OCIAD2: variants seen among roughly 807,000 people sequenced by gnomAD.
The protein encoded by OCIAD2 is OCIA domain containing 2, also known as OCIA domain-containing protein 2.
In OCIAD2, 29 loss-of-function variants were observed where a neutral mutation model predicts 22.9. The observed-to-expected ratio is 1.27, with a 90% confidence interval of 0.94 to 1.73. The LOEUF (loss-of-function observed/expected upper bound fraction) is 1.73, where lower values mean the gene tolerates loss of function less well. Among genes scored for constraint, OCIAD2 ranks in the 40% most tolerant of loss-of-function variants. OCIAD2 has a pLI of 0.00. For synonymous variants in OCIAD2, 67 were observed against 60.2 expected, an observed-to-expected ratio of 1.11 and a Z score of -0.52; for missense variants, 189 against 180.3, an observed-to-expected ratio of 1.05 and a Z score of -0.28.
At chr4:48,886,829 G>T (rs1781002697) in intron 6 of OCIAD2, among the ~76,000 whole-genome samples, 1 of 152,166 alleles carries the variant, frequency 6.6e-6, no homozygotes, top group Admixed American at 6.5e-5. Context: ...ATAGCAGCAG[G>T]CTTTATAATC....
At chr4:48,885,709 C>T in intron 6 of OCIAD2, 144 bp from the exon 7 acceptor site, 1 of 560,050 alleles carries the variant, frequency 1.8e-6, no homozygotes, top group Non-Finnish European at 3.2e-6. Context: ...CCAGGCTGGT[C>T]TCGAGGGCTC....
intron 2 of OCIAD2, 23 bp downstream of exon 2, chr4:48,904,461 G>C: frequency 6.2e-7 from 1 of 1,604,410 alleles, no homozygotes; most frequent in Non-Finnish European, 8.5e-7. Context: ...TCAATGAATC[G>C]ATCAATAAAT....
At position 48,898,925 on chromosome 4, in the gene OCIAD2, A is replaced by G. The variant is rs564561225; in HGVS notation, c.163+904T>C. ...GCAACCAATTTTTCCACTCATAGCTACCCCATAGTGGGCAAATTGGTCATA... is the reference window on the plus strand; with the variant it reads ...GCAACCAATTTTTCCACTCATAGCTGCCCCATAGTGGGCAAATTGGTCATA... On this transcript the variant is annotated intron_variant, in intron 3 of 6. Transcript: ENST00000508632. Among the ~76,000 whole-genome samples the G allele has an allele frequency of 1.5e-4, 23 of 152,270 alleles. No homozygotes were observed. The South Asian group carries it at 4.8e-3, about 32-fold the overall frequency.
At chr4:48,901,489 A>AAAGAATTTTCTAAAGG (rs1459120537) in intron 2 of OCIAD2, among the ~76,000 whole-genome samples, 1 of 152,150 alleles carries the variant, frequency 6.6e-6, no homozygotes, top group Non-Finnish European at 1.5e-5. Flanking sequence ...CAAGTTAAAG[A>AAAGAATTTTCTAAAGG]AAGAATTTTC....
At chr4:48,886,839 C>A (rs1049100525) in intron 6 of OCIAD2, among the ~76,000 whole-genome samples, 2 of 152,138 alleles carry the variant, frequency 1.3e-5, no homozygotes, top group Non-Finnish European at 1.5e-5. Context: ...GCTTTATAAT[C>A]CTTTGGGTAT....
At chr4:48,904,771 C>G (rs1346719704) in intron 1 of OCIAD2, 160 bp from the exon 2 acceptor site, 3 of 597,636 alleles carry the variant, frequency 5.0e-6, no homozygotes, top group Non-Finnish European at 8.9e-6. Context: ...TCCACCAGCA[C>G]ACATACATGC....
intron 6 of OCIAD2, among the ~76,000 whole-genome samples, chr4:48,891,844 ACAGATGAT>A (rs1781185709): frequency 6.6e-6 from 1 of 152,150 alleles, no homozygotes; most frequent in Admixed American, 6.5e-5. Context: ...GGTTTGGAAA[ACAGATGAT>A]CTGAGGTGAC....
At chr4:48,891,407 C>T (rs920874325) in intron 6 of OCIAD2, among the ~76,000 whole-genome samples, 1 of 152,180 alleles carries the variant, frequency 6.6e-6, no homozygotes, top group East Asian at 1.9e-4. Flanking sequence ...TCATTATCAG[C>T]TATGAATGCA....
At chr4:48,887,619 T>G (rs1463010560) in intron 6 of OCIAD2, among the ~76,000 whole-genome samples, 1 of 152,138 alleles carries the variant, frequency 6.6e-6, no homozygotes, top group Non-Finnish European at 1.5e-5. Flanking sequence ...TCTTGTTTTT[T>G]CAGGTTTGTC....
At chr4:48,904,668 A>C (rs1781490662) in intron 1 of OCIAD2, 57 bp from the exon 2 acceptor site, 2 of 940,076 alleles carry the variant, frequency 2.1e-6, no homozygotes, top group Non-Finnish European at 3.4e-6. Flanking sequence ...ATCAAGCTTA[A>C]AAGCATCCTG....
chr4:48,905,991 G>C (rs1449146243), intron 1 of OCIAD2, among the ~76,000 whole-genome samples: 2 of 152,176 alleles, frequency 1.3e-5, no homozygotes, highest in Non-Finnish European at 2.9e-5. Context: ...TGAGGGATAC[G>C]TCCATAAAGC....
intron 3 of OCIAD2, among the ~76,000 whole-genome samples, chr4:48,898,976 A>C (rs1781361314): frequency 6.6e-6 from 1 of 152,174 alleles, no homozygotes; most frequent in South Asian, 2.1e-4. Context: ...ACTAGGGCCC[A>C]ATTAAATTTT....
At chr4:48,888,898 T>C (rs926974998) in intron 6 of OCIAD2, among the ~76,000 whole-genome samples, 3 of 152,220 alleles carry the variant, frequency 2.0e-5, no homozygotes, top group African/African-American at 7.2e-5. Context: ...ATTGGAATAG[T>C]TTCAGAAGGA....
intron 2 of OCIAD2, among the ~76,000 whole-genome samples, chr4:48,902,037 G>T (rs1781430323): frequency 6.6e-6 from 1 of 151,928 alleles, no homozygotes; most frequent in Non-Finnish European, 1.5e-5. Flanking sequence ...AAAGTGCTGG[G>T]GTTACAGGTA....
chr4:48,897,755 T>A, intron 4 of OCIAD2, 49 bp downstream of exon 4: 3 of 1,439,270 alleles, frequency 2.1e-6, no homozygotes, highest in Non-Finnish European at 2.9e-6. Flanking sequence ...AGGGTCACAG[T>A]AAACTGGGCT....
At chr4:48,906,580 G>C (rs1781531844) in intron 1 of OCIAD2, 78 bp downstream of exon 1, 1 of 153,084 alleles carries the variant, frequency 6.5e-6, no homozygotes, top group Non-Finnish European at 1.5e-5. Context: ...CGCGGCCTTC[G>C]AAGGACTGCC....
chr4:48,891,897 T>C (rs751431437), intron 6 of OCIAD2, among the ~76,000 whole-genome samples: 2 of 152,212 alleles, frequency 1.3e-5, no homozygotes, highest in Non-Finnish European at 2.9e-5. Flanking sequence ...TGGTGTCACC[T>C]TCAGAAGGTC....
At chr4:48,888,957 C>G in intron 6 of OCIAD2, among the ~76,000 whole-genome samples, 1 of 152,246 alleles carries the variant, frequency 6.6e-6, no homozygotes, top group South Asian at 2.1e-4. Context: ...GCTGTGAATC[C>G]GTCTGGTCCT....
chr4:48,903,791 A>C (rs1425208487), intron 2 of OCIAD2, among the ~76,000 whole-genome samples: 2 of 151,862 alleles, frequency 1.3e-5, no homozygotes, highest in East Asian at 3.9e-4. Context: ...GACTACAGGC[A>C]CCAGCCACCA....
Sources: gnomAD v4.1 joint callset for allele counts (sites outside exome capture counted in the v4.1 genomes callset) on GRCh38, gnomAD v4.1.1 for gene constraint, MANE v1.5 for transcripts, NCBI Gene and HGNC (gene_info 2026-07-23, HGNC 2026-07-21) for gene names.